Variants in NAP1L1 observed in about 807,000 individuals in gnomAD.
NAP1L1 encodes the protein nucleosome assembly protein 1 like 1, also known as nucleosome assembly protein 1-like 1.
Under a neutral mutation model 58.9 loss-of-function variants are expected in NAP1L1, and 9 were observed. That is an observed-to-expected ratio of 0.15 (90% CI 0.09 to 0.27). NAP1L1 has a LOEUF of 0.27. Ranked by LOEUF, NAP1L1 falls within the 10% of genes least tolerant of loss-of-function variation. NAP1L1 has a pLI of 1.00. For missense variants in NAP1L1, 302 were observed against 458.8 expected (o/e 0.66, Z 3.12); for synonymous variants, 130 against 138.3 (o/e 0.94, Z 0.42).
chr12:76,057,641 G>T, intron 6 of NAP1L1: 2 of 1,377,422 alleles, frequency 1.5e-6, no homozygotes, highest in Admixed American at 1.9e-5. Flanking sequence ...CTTTATTGTG[G>T]AGTCTGTTCA....
In NAP1L1 at chr12:76,053,289, TCTG is replaced by T; in HGVS notation, c.829_831del (p.Gln277del). 1 of 1,614,054 alleles carries T rather than the reference TCTG, an allele frequency of 6.2e-7. No individual in the cohort carries two copies. The highest frequency in any genetic ancestry group is 2.2e-5 in the East Asian group (1 of 44,850). On this transcript the variant is annotated inframe_deletion, in exon 10 of 15. Transcript: ENST00000618691. ...CGAACTGTCCCACGTCCCTTGTGTTTCTGCTTCTTCTTAATAGTTTTCAAAGTG... is the reference window on the plus strand; with the variant it reads ...CGAACTGTCCCACGTCCCTTGTGTTTCTTCTTCTTAATAGTTTTCAAAGTG...
chr12:76,049,773 C>A lies in NAP1L1; in HGVS notation c.1072G>T (p.Gly358Cys), dbSNP rs770875476. ...EDDDDDYDEE[G>C]EEADEEGEEE... ...AACATTACCTCATCCGCTTCTTCAC[C>A]TTCTTCATCATACTGAAAAGGAAAA... Residue 358 changes from glycine (G) to cysteine (C), a missense_variant, in exon 13 of 15, where the codon GGT becomes TGT. Transcript: ENST00000618691. The A allele has an allele frequency of 1.2e-6, 2 of 1,612,908 alleles. No homozygotes were observed. Among genetic ancestry groups the A allele is most frequent in the Non-Finnish European group, 1.7e-6 (2 of 1,179,510 alleles).
intron 11 of NAP1L1, among the ~76,000 whole-genome samples, chr12:76,052,123 A>G (rs911252826): frequency 1.3e-5 from 2 of 152,216 alleles, no homozygotes; most frequent in African/African-American, 4.8e-5. Context: ...GAATTCCATG[A>G]ATGTTTGAGT....
intron 2 of NAP1L1, among the ~76,000 whole-genome samples, chr12:76,071,707 C>G (rs1949960022): frequency 6.6e-6 from 1 of 152,032 alleles, no homozygotes; most frequent in African/African-American, 2.4e-5. Flanking sequence ...GTCGCTAAAA[C>G]AAGAAAGTAA....
chr12:76,066,435 G>C (rs1428683309), intron 4 of NAP1L1, among the ~76,000 whole-genome samples: 1 of 151,730 alleles, frequency 6.6e-6, no homozygotes, highest in Non-Finnish European at 1.5e-5. Flanking sequence ...AACTGACAAG[G>C]GAATAACATT....
intron 2 of NAP1L1, among the ~76,000 whole-genome samples, chr12:76,070,456 G>C (rs1215057604): frequency 6.6e-6 from 1 of 152,164 alleles, no homozygotes; most frequent in Non-Finnish European, 1.5e-5. Context: ...TGTTTGATAA[G>C]TGTACACACT....
At chr12:76,054,591 A>C (rs1463824863) in intron 8 of NAP1L1, among the ~76,000 whole-genome samples, 2 of 152,152 alleles carry the variant, frequency 1.3e-5, no homozygotes, top group Non-Finnish European at 2.9e-5. Context: ...GACACAGAAA[A>C]AGCCCAACCT....
At chr12:76,049,510 C>T in intron 13 of NAP1L1, 9 of 1,535,636 alleles carry the variant, frequency 5.9e-6, no homozygotes, top group Non-Finnish European at 7.8e-6. Context: ...TTGACTTCTT[C>T]AAAGAGCTGA....
intron 4 of NAP1L1, among the ~76,000 whole-genome samples, chr12:76,061,798 G>A (rs375535619): frequency 4.6e-5 from 7 of 152,186 alleles, no homozygotes; most frequent in African/African-American, 1.7e-4. Flanking sequence ...ACAAACACTT[G>A]AAGATATCAA....
At chr12:76,068,090 C>A (rs1308708889) in intron 3 of NAP1L1, among the ~76,000 whole-genome samples, 2 of 152,106 alleles carry the variant, frequency 1.3e-5, no homozygotes, top group Non-Finnish European at 2.9e-5. Flanking sequence ...ACAGTACTAA[C>A]CTTCTCTTCA....
In NAP1L1 at chr12:76,041,634, C is replaced by G. The variant is rs958589177; in HGVS notation, c.*6795G>C. 2.0e-5 allele frequency: 3 copies of G among 152,186 alleles called. No individual in the cohort carries two copies. The highest frequency in any genetic ancestry group is 7.2e-5 in the African/African-American group (3 of 41,434). 9.4% of individuals were successfully genotyped at this position (152,186 alleles called of 1,614,324 possible). On this transcript the variant is annotated 3_prime_UTR_variant, in exon 15 of 15. Coordinates refer to ENST00000618691, the MANE Select transcript of NAP1L1 (RefSeq NM_004537.7). The stretch of plus-strand genomic sequence containing the variant: ...CGGCAGCTCCCACTTGTAAGCATAG[C>G]ACCTCAGGAGGTTGAGGTGAGACAA...
rs1948711780 is a variant in NAP1L1, at chr12:76,049,234, C to T, written c.1106G>A (p.Gly369Glu). The T allele has an allele frequency of 1.2e-6, 2 of 1,613,568 alleles. No homozygotes were observed. The highest frequency in any genetic ancestry group is 3.3e-5 in the Admixed American group (2 of 60,008). ...ATAGTCTGGATCATTTTCCTCATCTCCTTCTTCTTCCCCTTCCTATATTAA... is the reference window on the plus strand; with the variant it reads ...ATAGTCTGGATCATTTTCCTCATCTTCTTCTTCTTCCCCTTCCTATATTAA... ...EEADEEGEEEGDEENDPDYDP... is the reference protein window; with the variant it reads ...EEADEEGEEEEDEENDPDYDP... The change falls in exon 14 of 15, where the codon GGA becomes GAA. Residue 369 changes from glycine (G) to glutamate (E), a missense_variant. Transcript: ENST00000618691.
chr12:76,064,360 G>C (rs972516148), intron 4 of NAP1L1, among the ~76,000 whole-genome samples: 2 of 151,868 alleles, frequency 1.3e-5, no homozygotes, highest in African/African-American at 4.8e-5. Context: ...CCAATAAGCA[G>C]AAATAAAGAG....
intron 2 of NAP1L1, among the ~76,000 whole-genome samples, chr12:76,072,316 CA>C (rs1166516848): frequency 3.1e-5 from 4 of 129,744 alleles, no homozygotes; most frequent in African/African-American, 1.1e-4. Flanking sequence ...AAAAAAAAAA[CA>C]AAAAAACAGG....
At position 76,069,020 on chromosome 12, in the gene NAP1L1, G is replaced by C. The variant is rs759833420; in HGVS notation, c.18-26C>G. 5.3e-6 allele frequency: 8 copies of C among 1,500,500 alleles called. No homozygotes were observed. The African/African-American group carries it at 8.5e-5, about 16-fold the overall frequency. 92.9% of individuals were successfully genotyped at this position (1,500,500 alleles called of 1,614,324 possible). On this transcript the variant is annotated intron_variant, in intron 2 of 14. Transcript: ENST00000618691. ...CTATAATATCATAGTATCACACCAA[G>C]GTTCAAATGTACCAATTACCAAAAA...
At position 76,048,136 on chromosome 12, in the gene NAP1L1, T is replaced by C; in HGVS notation, c.*293A>G. The stretch of plus-strand genomic sequence containing the variant: ...AAAAAGGTATTTCCTTTAACAGTTG[T>C]TAATTTTCATAGCTGTACTCCAAGA... On this transcript the variant is annotated 3_prime_UTR_variant, in exon 15 of 15. Coordinates refer to ENST00000618691, the MANE Select transcript of NAP1L1 (RefSeq NM_004537.7). 2.6e-6 allele frequency: 1 copy of C among 378,918 alleles called. No individual in the cohort carries two copies. The highest frequency in any genetic ancestry group is 4.7e-6 in the Non-Finnish European group (1 of 213,254). The allele number at this position is 378,918 out of a possible 1,614,324, so 23.5% of individuals were successfully genotyped here.
chr12:76,071,820 C>A (rs994738589), intron 2 of NAP1L1, among the ~76,000 whole-genome samples: 2 of 152,064 alleles, frequency 1.3e-5, no homozygotes, highest in Non-Finnish European at 2.9e-5. Context: ...TGGAAGACAA[C>A]AGACACAGTC....
At chr12:76,065,556 T>A (rs1466631130) in intron 4 of NAP1L1, among the ~76,000 whole-genome samples, 4 of 150,046 alleles carry the variant, frequency 2.7e-5, no homozygotes, top group African/African-American at 7.3e-5. Flanking sequence ...ACAGCAATCC[T>A]CTGTAAATCA....
At chr12:76,076,769 G>A (rs1259944660) in intron 1 of NAP1L1, among the ~76,000 whole-genome samples, 2 of 151,816 alleles carry the variant, frequency 1.3e-5, no homozygotes, top group African/African-American at 4.8e-5. Flanking sequence ...GTGTCTCTGG[G>A]TGATTGTATT....
Sources: allele counts gnomAD v4.1 joint callset (sites outside exome capture counted in the v4.1 genomes callset), GRCh38; gene constraint gnomAD v4.1.1; transcripts MANE v1.5; gene names NCBI Gene and HGNC (gene_info 2026-07-23, HGNC 2026-07-21).